SMC4: variants seen among roughly 807,000 people sequenced by gnomAD.
SMC4 encodes structural maintenance of chromosomes protein 4.
SMC4 carries 87 observed loss-of-function variants against 145.6 expected under a neutral mutation model. That is an observed-to-expected ratio of 0.60 (90% confidence interval 0.50 to 0.71). The LOEUF is 0.71. SMC4 is among the 30% of genes least tolerant of loss of function. The pLI is 0.00. For synonymous variants in SMC4, 558 were observed against 500.7 expected (o/e 1.11, Z -1.53); for missense variants, 1,447 against 1,537.1 (o/e 0.94, Z 0.98).
At chr3:160,432,902 A>G (rs1718564381) in intron 22 of SMC4, 124 bp from the exon 23 acceptor site, 1 of 667,812 alleles carries the variant, frequency 1.5e-6, no homozygotes, top group Non-Finnish European at 2.6e-6. Flanking sequence ...GAGAATTCAT[A>G]TTTGTGAAAA....
chr3:160,402,174 T>C, intron 3 of SMC4, 81 bp downstream of exon 3: 2 of 899,980 alleles, frequency 2.2e-6, no homozygotes, highest in Non-Finnish European at 3.2e-6. Flanking sequence ...TGTTTCAGTT[T>C]TGTAACTATC....
chr3:160,404,633 A>G (rs146020563), intron 5 of SMC4, 129 bp downstream of exon 5: 224 of 853,276 alleles, frequency 2.6e-4, no homozygotes, highest in Non-Finnish European at 4.1e-4. Context: ...TTTACATGCT[A>G]CAGTCAAGAT....
intron 3 of SMC4, among the ~76,000 whole-genome samples, chr3:160,402,473 A>T (rs1459196689): frequency 6.6e-6 from 1 of 152,196 alleles, no homozygotes; most frequent in Non-Finnish European, 1.5e-5. Flanking sequence ...GAATTGGAGC[A>T]TTCTTATTGA....
intron 11 of SMC4, among the ~76,000 whole-genome samples, 155 bp downstream of exon 11, chr3:160,418,111 T>C (rs1247239472): frequency 6.6e-6 from 1 of 152,154 alleles, no homozygotes; most frequent in Non-Finnish European, 1.5e-5. Context: ...CAGTATTCCA[T>C]ATGTGAACTG....
chr3:160,422,213 A>G (rs907338630), intron 13 of SMC4, among the ~76,000 whole-genome samples: 20 of 152,230 alleles, frequency 1.3e-4, no homozygotes, highest in Admixed American at 2.6e-4. Flanking sequence ...TTGGGTATAT[A>G]TATACCTAGG....
chr3:160,432,681 G>C, intron 22 of SMC4, 166 bp downstream of exon 22: 1 of 547,620 alleles, frequency 1.8e-6, no homozygotes, highest in East Asian at 3.0e-5. Flanking sequence ...AGTTTACAGG[G>C]GCAGACAGCC....
intron 4 of SMC4, 95 bp from the exon 5 acceptor site, chr3:160,404,233 T>C: frequency 2.6e-6 from 3 of 1,152,622 alleles, no homozygotes; most frequent in Non-Finnish European, 3.7e-6. Flanking sequence ...TTTTAATCCA[T>C]AGAATTAGTT....
intron 6 of SMC4, 51 bp downstream of exon 6, chr3:160,412,135 C>A: frequency 6.4e-7 from 1 of 1,564,464 alleles, no homozygotes; most frequent in South Asian, 1.2e-5. Context: ...CATTTATGAT[C>A]TAACAAATTT....
In SMC4 at chr3:160,433,306, TTTA is replaced by T. The variant is rs1355784318; in HGVS notation, c.3714+100_3714+102del. On this transcript the variant is annotated intron_variant, in intron 23 of 23. Transcript: ENST00000357388. ...TTATTTCTTACAATTGAGCTTTTTC[TTTA>T]TTGTCTAATAACTCCATCTCCATCT... The T allele has an allele frequency of 3.5e-6, 3 of 847,008 alleles. No homozygotes were observed. The African/African-American group carries it at 5.1e-5, about 14-fold the overall frequency. 52.5% of individuals were successfully genotyped at this position (847,008 alleles called of 1,614,324 possible).
At chr3:160,413,452 T>C (rs1162796010) in intron 7 of SMC4, 21 bp from the exon 8 acceptor site, 6 of 1,560,954 alleles carry the variant, frequency 3.8e-6, no homozygotes, top group Non-Finnish European at 5.2e-6. Flanking sequence ...CAATTTCTTT[T>C]TTTTTTTTTC....
At chr3:160,417,550 T>G (rs1344518485) in intron 10 of SMC4, 173 bp from the exon 11 acceptor site, 1 of 606,098 alleles carries the variant, frequency 1.6e-6, no homozygotes, top group Non-Finnish European at 2.9e-6. Flanking sequence ...GTACAGTGAA[T>G]ATTGACAACT....
chr3:160,425,721 C>T (rs909158349), intron 16 of SMC4, among the ~76,000 whole-genome samples: 4 of 152,062 alleles, frequency 2.6e-5, no homozygotes, highest in African/African-American at 9.7e-5. Flanking sequence ...CATATGTGTA[C>T]AATGTTTAAG....
chr3:160,417,824 T>C lies in SMC4; in HGVS notation c.1539T>C (p.His513=). The change falls in exon 11 of 24, where the codon CAT becomes CAC. Residue 513 remains histidine, a synonymous_variant. Transcript: ENST00000357388. ...QSELDIYLSR[H]NTAVSQLTKA... ...AACTTGATATCTATCTCAGTCGTCA[T>C]AATACTGCAGTGTCTCAATTAACTA... 1.2e-6 allele frequency: 2 copies of C among 1,613,758 alleles called. No individual in the cohort carries two copies. Among genetic ancestry groups the C allele is most frequent in the Non-Finnish European group, 1.7e-6 (2 of 1,179,828 alleles).
In SMC4 at chr3:160,433,672, G is replaced by A; in HGVS notation, c.3730G>A (p.Ala1244Thr). ...TTCTCTTTAGGAACAAACAAAAAATGCACAGTTCATAATAATTTCTCTTCG... is the reference window on the plus strand; with the variant it reads ...TTCTCTTTAGGAACAAACAAAAAATACACAGTTCATAATAATTTCTCTTCG... The part of the protein sequence containing the change: ...AFYIYEQTKN[A>T]QFIIISLRNN... Residue 1244 changes from alanine (A) to threonine (T), a missense_variant, in exon 24 of 24, where the codon GCA becomes ACA. Coordinates refer to ENST00000357388, the MANE Select transcript of SMC4 (RefSeq NM_001002800.3). 1.9e-6 allele frequency: 3 copies of A among 1,552,318 alleles called. 1 individual carries two copies. In the South Asian group the frequency reaches 3.7e-5, roughly 19 times the overall value.
intron 17 of SMC4, among the ~76,000 whole-genome samples, chr3:160,426,596 A>C (rs556226721): frequency 6.6e-6 from 1 of 152,184 alleles, no homozygotes; most frequent in East Asian, 2.0e-4. Flanking sequence ...TTGAAAACTT[A>C]AAATATATAT....
chr3:160,432,248 C>T, intron 21 of SMC4, 35 bp from the exon 22 acceptor site: 1 of 1,391,934 alleles, frequency 7.2e-7, no homozygotes, highest in Non-Finnish European at 1.0e-6. Context: ...TCAAATTTAT[C>T]TGAATAGATT....
chr3:160,402,943 G>T (rs1714867932), intron 4 of SMC4, 76 bp downstream of exon 4: 2 of 1,127,778 alleles, frequency 1.8e-6, no homozygotes, highest in East Asian at 5.5e-5. Flanking sequence ...TTTATTTTTG[G>T]CTTTAAGAAA....
At chr3:160,425,237 T>G (rs2108494024) in intron 16 of SMC4, among the ~76,000 whole-genome samples, 1 of 152,332 alleles carries the variant, frequency 6.6e-6, no homozygotes, top group South Asian at 2.1e-4. Context: ...ATTCCTGTTT[T>G]CCGTTTGTAC....
chr3:160,413,223 G>T lies in SMC4; in HGVS notation c.981-250G>T, dbSNP rs1716210432. ...GGTCTCAAACTTCTGAGTTCAGGCA[G>T]TCTGCCTGCCTCAGCCTCCTAAAGT... On this transcript the variant is annotated intron_variant, in intron 7 of 23. Transcript: ENST00000357388. 2.0e-5 allele frequency among the ~76,000 whole-genome samples: 3 copies of T among 151,908 alleles called. No individual in the cohort carries two copies. In the South Asian group the frequency reaches 6.2e-4, roughly 32 times the overall value.
Sources: allele counts gnomAD v4.1 joint callset (sites outside exome capture counted in the v4.1 genomes callset), GRCh38; gene constraint gnomAD v4.1.1; transcripts MANE v1.5; gene names NCBI Gene and HGNC (gene_info 2026-07-23, HGNC 2026-07-21).